C12orf43: variants seen among roughly 807,000 people sequenced by gnomAD.
C12orf43 encodes protein CUSTOS.
Under a neutral mutation model 20.6 loss-of-function variants are expected in C12orf43, and 15 were observed. That is an observed-to-expected ratio of 0.73 (90% CI 0.49 to 1.12). The LOEUF is 1.12. C12orf43 is among the 50% of genes most tolerant of loss of function. C12orf43 has a pLI of 0.00. For missense variants in C12orf43, 334 were observed against 344.4 expected (o/e 0.97, Z 0.24); for synonymous variants, 144 against 130.8 (o/e 1.10, Z -0.69).
intron 4 of C12orf43, 70 bp downstream of exon 4, chr12:121,006,251 G>T: frequency 9.4e-5 from 114 of 1,215,536 alleles, no homozygotes; most frequent in Non-Finnish European, 1.2e-4. Context: ...TACCAAAACT[G>T]TTTCGCCCAC....
intron 1 of C12orf43, among the ~76,000 whole-genome samples, chr12:121,014,037 T>A (rs1170174439): frequency 1.3e-5 from 2 of 152,138 alleles, no homozygotes; most frequent in African/African-American, 4.8e-5. Context: ...CACTCAAGAA[T>A]GTAATCTAGG....
At chr12:121,010,477 G>A (rs1878364609) in intron 3 of C12orf43, among the ~76,000 whole-genome samples, 1 of 152,122 alleles carries the variant, frequency 6.6e-6, no homozygotes, top group Non-Finnish European at 1.5e-5. Context: ...CTGTACAGTG[G>A]GAATGATAAC....
rs1878039939 is a variant in C12orf43, at chr12:121,006,527, G to C, written c.288-133C>G. On this transcript the variant is annotated intron_variant, in intron 3 of 5. Transcript: ENST00000288757. ...GCGAAAGCGTGCTGGCCTAGTAAGA[G>C]GGCTGATGGTCTGGTTATAACATGC... 15 of 793,994 alleles carry C rather than the reference G, an allele frequency of 1.9e-5. No individual in the cohort carries two copies. In the South Asian group the frequency reaches 2.3e-4, roughly 12 times the overall value. 49.2% of individuals were successfully genotyped at this position (793,994 alleles called of 1,614,324 possible). A position where few individuals can be genotyped will look rare whatever the true frequency, so the allele number is the denominator to read the frequency against.
rs1565890689 is a variant in C12orf43, at chr12:121,003,019, CTTTTT to C, written c.*1129_*1133del. The C allele has an allele frequency of 3.9e-5, 5 of 126,608 alleles. No homozygotes were observed. Among genetic ancestry groups the C allele is most frequent in the African/African-American group, 1.3e-4 (5 of 38,312 alleles). The allele number at this position is 126,608 out of a possible 1,614,324, so 7.8% of individuals were successfully genotyped here. A position where few individuals can be genotyped will look rare whatever the true frequency, so the allele number is the denominator to read the frequency against. ...CTGGCCATGAGCTTCTACTTCTTTT[CTTTTT>C]CTTTTTCTTTTTTTTTTTTTGAGAT... On this transcript the variant is annotated 3_prime_UTR_variant, in exon 6 of 6. Coordinates refer to ENST00000288757, the MANE Select transcript of C12orf43 (RefSeq NM_022895.3).
In C12orf43 at chr12:121,002,755, T is replaced by G; in HGVS notation, c.*1398A>C. ...GGTCTCACTGTCACCCAGGCTGGAC[T>G]GCAGTGGCATTATACAGCTCACTGC... On this transcript the variant is annotated 3_prime_UTR_variant, in exon 6 of 6. Transcript: ENST00000288757. 6.7e-6 allele frequency: 2 copies of G among 297,906 alleles called. No individual in the cohort carries two copies. The highest frequency in any genetic ancestry group is 5.6e-5 in the South Asian group (2 of 35,518). The allele number at this position is 297,906 out of a possible 1,614,324, so 18.5% of individuals were successfully genotyped here.
At chr12:121,011,243 T>A in intron 1 of C12orf43, 97 bp from the exon 2 acceptor site, 3 of 912,426 alleles carry the variant, frequency 3.3e-6, no homozygotes, top group Non-Finnish European at 5.4e-6. Flanking sequence ...AAAATACATA[T>A]AACTCATATA....
chr12:121,015,108 G>C (rs1037348128), intron 1 of C12orf43, among the ~76,000 whole-genome samples: 10 of 152,290 alleles, frequency 6.6e-5, no homozygotes, highest in South Asian at 4.1e-4. Flanking sequence ...TCAACCTTAT[G>C]GGGTGGGTAC....
chr12:121,014,643 T>A (rs999009844), intron 1 of C12orf43, among the ~76,000 whole-genome samples: 225 of 10,722 alleles, frequency 0.021, no homozygotes, highest in South Asian at 0.032. Context: ...AAAAAAAAAA[T>A]GCAAAAAAAA....
intron 1 of C12orf43, among the ~76,000 whole-genome samples, chr12:121,014,661 AC>A (rs1412368625): frequency 6.6e-4 from 76 of 115,960 alleles, no homozygotes; most frequent in Admixed American, 9.7e-4. Context: ...AAAAAAAAAA[AC>A]CCCAAAAAAC....
chr12:121,011,261 A>G lies in C12orf43; in HGVS notation c.146-115T>C, dbSNP rs1260431524. The G allele has an allele frequency of 3.1e-5, 22 of 710,428 alleles. No homozygotes were observed. The Admixed American group carries it at 3.9e-4, about 13-fold the overall frequency. The allele number at this position is 710,428 out of a possible 1,614,324, so 44.0% of individuals were successfully genotyped here. A position where few individuals can be genotyped will look rare whatever the true frequency, so the allele number is the denominator to read the frequency against. Reference sequence around the variant, plus strand: ...ATACATATAACTCATATATATACATACACATGTAACTCATATATATTATAT... The same window carrying G: ...ATACATATAACTCATATATATACATGCACATGTAACTCATATATATTATAT... On this transcript the variant is annotated intron_variant, in intron 1 of 5. Coordinates refer to ENST00000288757, the MANE Select transcript of C12orf43 (RefSeq NM_022895.3).
rs760204220 is a variant in C12orf43, at chr12:121,005,084, A to C, written c.371T>G (p.Leu124Arg). The C allele has an allele frequency of 7.0e-7, 1 of 1,425,578 alleles. No homozygotes were observed. The highest frequency in any genetic ancestry group is 1.6e-5 in the South Asian group (1 of 64,330). 88.3% of individuals were successfully genotyped at this position (1,425,578 alleles called of 1,614,324 possible). The change falls in exon 5 of 6, where the codon CTT becomes CGT. Residue 124 changes from leucine to arginine, a missense_variant. Transcript: ENST00000288757. The surrounding 1 kb of genome is among the most constrained non-coding windows in gnomAD (Gnocchi z 5.6). ...KVALEDDGFR[L>R]FFTSVPGGRE... Reference sequence around the variant, plus strand: ...GCCTCCAGGGACAGATGTGAAGAAAAGGCGGAAACCTAAGATTCAATGGGG... The same window carrying C: ...GCCTCCAGGGACAGATGTGAAGAAACGGCGGAAACCTAAGATTCAATGGGG...
At chr12:121,010,044 G>T (rs1878326180) in intron 3 of C12orf43, among the ~76,000 whole-genome samples, 1 of 152,246 alleles carries the variant, frequency 6.6e-6, no homozygotes, top group Non-Finnish European at 1.5e-5. Context: ...GCTCACGCTT[G>T]TAATCCCAGC....
chr12:121,011,360 AAT>A (rs766825577), intron 1 of C12orf43, among the ~76,000 whole-genome samples: 1 of 148,286 alleles, frequency 6.7e-6, no homozygotes, highest in South Asian at 2.1e-4. Flanking sequence ...ATATGTATAT[AAT>A]ATAGTTACAT....
chr12:121,012,649 G>A (rs1346914817), intron 1 of C12orf43: 6 of 522,366 alleles, frequency 1.1e-5, no homozygotes, highest in East Asian at 7.1e-5. Context: ...TCAAGAGATC[G>A]AGACCATCCT....
intron 3 of C12orf43, among the ~76,000 whole-genome samples, chr12:121,007,511 G>T (rs562300389): frequency 6.6e-6 from 1 of 152,286 alleles, no homozygotes; most frequent in South Asian, 2.1e-4. Flanking sequence ...AGGGGAAAAT[G>T]GATATCAAGC....
chr12:121,011,176 T>G, intron 1 of C12orf43, 30 bp from the exon 2 acceptor site: 9 of 1,607,208 alleles, frequency 5.6e-6, no homozygotes, highest in Non-Finnish European at 7.7e-6. Flanking sequence ...AGGGCATTTA[T>G]AGAGGAAACA....
Position 121,001,960 on chromosome 12 carries a change from G to A in C12orf43, c.*2193C>T, listed in dbSNP as rs1005604612. Reference sequence around the variant, plus strand: ...CCAGCCTGGCCTCCTGCCTCTACTGGGAAGGCTACTTCGGGGCTGGGAAGT... The same window carrying A: ...CCAGCCTGGCCTCCTGCCTCTACTGAGAAGGCTACTTCGGGGCTGGGAAGT... On this transcript the variant is annotated 3_prime_UTR_variant, in exon 6 of 6. Coordinates refer to ENST00000288757, the MANE Select transcript of C12orf43 (RefSeq NM_022895.3). 3.8e-6 allele frequency: 2 copies of A among 532,418 alleles called. No homozygotes were observed. Among genetic ancestry groups the A allele is most frequent in the African/African-American group, 1.9e-5 (1 of 53,872 alleles). The allele number at this position is 532,418 out of a possible 1,614,324, so 33.0% of individuals were successfully genotyped here. A position where few individuals can be genotyped will look rare whatever the true frequency, so the allele number is the denominator to read the frequency against.
At chr12:121,014,630 C>CAAA (rs35811695) in intron 1 of C12orf43, among the ~76,000 whole-genome samples, 4 of 99,316 alleles carry the variant, frequency 4.0e-5, no homozygotes, top group Admixed American at 1.2e-4. Flanking sequence ...AACTCCATCT[C>CAAA]AAAAAAAAAA....
In C12orf43 at chr12:121,002,131, G is replaced by C. The variant is rs751401246; in HGVS notation, c.*2022C>G. On this transcript the variant is annotated 3_prime_UTR_variant, in exon 6 of 6. Coordinates refer to ENST00000288757, the MANE Select transcript of C12orf43 (RefSeq NM_022895.3). ...ACAAGGCAGCAAGGCCCGAGCAGCT[G>C]AGCAGGGCCGGGGAACTGGCCAAGC... 6 of 525,202 alleles carry C rather than the reference G, an allele frequency of 1.1e-5. No individual in the cohort carries two copies. The highest frequency in any genetic ancestry group is 2.2e-5 in the Non-Finnish European group (6 of 271,144). 32.5% of individuals were successfully genotyped at this position (525,202 alleles called of 1,614,324 possible). A position where few individuals can be genotyped will look rare whatever the true frequency, so the allele number is the denominator to read the frequency against.
Sources: gnomAD v4.1 joint callset for allele counts (sites outside exome capture counted in the v4.1 genomes callset) on GRCh38, gnomAD v4.1.1 for gene constraint, Gnocchi (gnomAD v3.1) non-coding constraint, MANE v1.5 for transcripts, NCBI Gene and HGNC (gene_info 2026-07-23, HGNC 2026-07-21) for gene names.